Variants in RORA observed in about 807,000 individuals in gnomAD.
RORA encodes the protein RAR related orphan receptor A, also known as nuclear receptor ROR-alpha.
A neutral mutation model predicts 69.5 loss-of-function variants in RORA; 7 were observed. That is an observed-to-expected ratio of 0.10 (90% CI 0.06 to 0.19). The LOEUF (loss-of-function observed/expected upper bound fraction) is 0.19. Among genes scored for constraint, RORA ranks in the 10% least tolerant of loss-of-function variants. The pLI is 1.00. For synonymous variants in RORA, 261 were observed against 240.8 expected, an observed-to-expected ratio of 1.08 and a Z score of -0.78; for missense variants, 457 against 663.0, an observed-to-expected ratio of 0.69 and a Z score of 3.41.
intron 1 of RORA, among the ~76,000 whole-genome samples, chr15:61,178,944 C>T (rs1038427514): frequency 6.6e-6 from 1 of 152,110 alleles, no homozygotes; most frequent in African/African-American, 2.4e-5. Context: ...TTAACATGAC[C>T]CATCTACATA....
chr15:61,183,337 C>T (rs186965632), intron 1 of RORA, among the ~76,000 whole-genome samples: 1 of 152,194 alleles, frequency 6.6e-6, no homozygotes, highest in Non-Finnish European at 1.5e-5. Context: ...GCGTTCCAGG[C>T]CAGCCTGGCC....
intron 10 of RORA, among the ~76,000 whole-genome samples, chr15:60,499,514 G>T (rs2065265350): frequency 6.6e-6 from 1 of 152,136 alleles, no homozygotes; most frequent in South Asian, 2.1e-4. Context: ...CTCCAGCCTG[G>T]GAGACGGAGT....
At chr15:60,855,997 A>G (rs751738870) in intron 1 of RORA, among the ~76,000 whole-genome samples, 3 of 152,118 alleles carry the variant, frequency 2.0e-5, no homozygotes, top group Non-Finnish European at 4.4e-5. Context: ...GGCTAACCTC[A>G]TATATACTGA....
At chr15:61,014,136 T>TA (rs1389603252) in intron 1 of RORA, among the ~76,000 whole-genome samples, 1 of 152,190 alleles carries the variant, frequency 6.6e-6, no homozygotes, top group African/African-American at 2.4e-5. Context: ...GTCAAGTAGA[T>TA]ACAGCAGGAT....
intron 6 of RORA, 115 bp downstream of exon 6, chr15:60,505,393 A>G (rs1013704516): frequency 1.9e-6 from 2 of 1,068,962 alleles, no homozygotes; most frequent in Non-Finnish European, 2.8e-6. Context: ...ATATTTAAAC[A>G]GAAACCTGAT....
intron 1 of RORA, among the ~76,000 whole-genome samples, chr15:60,807,647 G>A (rs2072678400): frequency 6.6e-6 from 1 of 152,130 alleles, no homozygotes; most frequent in Non-Finnish European, 1.5e-5. Context: ...AACAAATCTG[G>A]AGGCATCACA....
intron 1 of RORA, among the ~76,000 whole-genome samples, chr15:60,959,032 AC>A (rs1273847961): frequency 6.6e-6 from 1 of 152,184 alleles, no homozygotes; most frequent in African/African-American, 2.4e-5. Context: ...AAAACTGCAC[AC>A]CTATTAAAGT....
chr15:60,643,021 G>T (rs1321618523), intron 2 of RORA, among the ~76,000 whole-genome samples: 1 of 152,104 alleles, frequency 6.6e-6, no homozygotes, highest in African/African-American at 2.4e-5. Context: ...GTTGGGCCTG[G>T]TGAAGTGCAC....
intron 1 of RORA, among the ~76,000 whole-genome samples, chr15:60,873,653 T>C (rs886201435): frequency 6.6e-6 from 1 of 152,078 alleles, no homozygotes; most frequent in Non-Finnish European, 1.5e-5. Flanking sequence ...TATACAAACT[T>C]AGGGGGGAAA....
chr15:60,795,236 C>T (rs2072477171), intron 1 of RORA, among the ~76,000 whole-genome samples: 1 of 152,160 alleles, frequency 6.6e-6, no homozygotes, highest in South Asian at 2.1e-4. Context: ...TTCAAAATGG[C>T]AACCCGAAGT....
intron 2 of RORA, among the ~76,000 whole-genome samples, chr15:60,562,800 C>T (rs1200856481): frequency 6.6e-6 from 1 of 152,072 alleles, no homozygotes; most frequent in African/African-American, 2.4e-5. Flanking sequence ...TGCTCTCAAA[C>T]TCCTGGGCTT....
chr15:60,997,586 A>G (rs1340616268), intron 1 of RORA, among the ~76,000 whole-genome samples: 1 of 152,214 alleles, frequency 6.6e-6, no homozygotes, highest in East Asian at 1.9e-4. Context: ...TGTGTTTTAA[A>G]AAATTAAGAT....
At chr15:60,907,644 T>C (rs961168063) in intron 1 of RORA, among the ~76,000 whole-genome samples, 11 of 152,204 alleles carry the variant, frequency 7.2e-5, no homozygotes, top group African/African-American at 2.2e-4. Flanking sequence ...CAGGCACCCA[T>C]GTTGTCACAA....
rs372760353 is a variant in RORA at position 61,096,186 on chromosome 15, G to A, written c.166+132867C>T. Among the ~76,000 whole-genome samples the A allele has an allele frequency of 1.3e-3, 202 of 152,296 alleles. 2 individuals are homozygous for A. The Middle Eastern group carries it at 0.014, about 10-fold the overall frequency. ...TTGGGGGAGTGTGAGGCAGAGCCAG[G>A]TGTGAAGGCTCCTGAAGTTTCTTCT... On this transcript the variant is annotated intron_variant, in intron 1 of 10. Transcript: ENST00000335670.
intron 1 of RORA, among the ~76,000 whole-genome samples, chr15:60,813,623 G>A (rs1176454205): frequency 1.3e-5 from 2 of 151,258 alleles, no homozygotes; most frequent in East Asian, 1.9e-4. Flanking sequence ...CTTAGCATAC[G>A]TTGTGTGGCT....
chr15:60,730,654 G>C (rs1448616840), intron 1 of RORA, among the ~76,000 whole-genome samples: 1 of 152,076 alleles, frequency 6.6e-6, no homozygotes, highest in African/African-American at 2.4e-5. Context: ...GTGCTCACTT[G>C]TATTTCTCTT....
In RORA at chr15:60,892,585, G is replaced by T. The variant is rs536066911; in HGVS notation, c.167-213899C>A. 1.4e-4 allele frequency among the ~76,000 whole-genome samples: 22 copies of T among 152,222 alleles called. No homozygotes were observed. In the South Asian group the frequency reaches 4.2e-3, roughly 29 times the overall value. On this transcript the variant is annotated intron_variant, in intron 1 of 10. Coordinates refer to ENST00000335670, the MANE Select transcript of RORA (RefSeq NM_134261.3). ...TGAAGACTTCGAGCTGACTCTCCTG[G>T]TATCACGAATATACAATCAAAATGG...
chr15:61,109,109 T>G (rs770450937), intron 1 of RORA, among the ~76,000 whole-genome samples: 1 of 152,216 alleles, frequency 6.6e-6, no homozygotes, highest in African/African-American at 2.4e-5. Flanking sequence ...GGCACGAGAA[T>G]AGCTTGAACC....
intron 1 of RORA, among the ~76,000 whole-genome samples, chr15:60,782,856 T>TA (rs2072282818): frequency 6.6e-6 from 1 of 152,214 alleles, no homozygotes; most frequent in Non-Finnish European, 1.5e-5. Context: ...TGGAAACTGA[T>TA]AGACTCAAAT....
Sources: gnomAD v4.1 joint callset for allele counts (sites outside exome capture counted in the v4.1 genomes callset) on GRCh38, gnomAD v4.1.1 for gene constraint, MANE v1.5 for transcripts, NCBI Gene and HGNC (gene_info 2026-07-23, HGNC 2026-07-21) for gene names.